FMN1: variants seen among roughly 807,000 people sequenced by gnomAD.
The protein encoded by FMN1 is formin 1, also known as formin-1.
Under a neutral mutation model 132.4 loss-of-function variants are expected in FMN1, and 110 were observed. The observed-to-expected ratio is 0.83, with a 90% CI of 0.71 to 0.97. FMN1 has a LOEUF of 0.97. Ranked by LOEUF, FMN1 falls within the 50% of genes least tolerant of loss-of-function variation. The pLI is 0.00. For missense variants in FMN1, 1,792 were observed against 1,705.3 expected (o/e 1.05, Z -0.90); for synonymous variants, 722 against 651.7 (o/e 1.11, Z -1.64).
chr15:33,003,238 T>C (rs1003765092), intron 7 of FMN1, among the ~76,000 whole-genome samples: 1 of 152,140 alleles, frequency 6.6e-6, no homozygotes, highest in African/African-American at 2.4e-5. Context: ...GGGCATTCAA[T>C]AGGAAAAGAG....
intron 6 of FMN1, among the ~76,000 whole-genome samples, chr15:33,054,246 C>T (rs2037113540): frequency 6.6e-6 from 1 of 152,162 alleles, no homozygotes; most frequent in South Asian, 2.1e-4. Flanking sequence ...GAAATAGAGA[C>T]AAAGACCAAA....
At chr15:32,998,036 C>T (rs1033189065) in intron 7 of FMN1, among the ~76,000 whole-genome samples, 1 of 152,162 alleles carries the variant, frequency 6.6e-6, no homozygotes, top group Middle Eastern at 3.2e-3. Flanking sequence ...TCCAGGCAAT[C>T]AACATAAGTA....
intron 2 of FMN1, among the ~76,000 whole-genome samples, chr15:33,184,648 C>A (rs1170682665): frequency 6.6e-6 from 1 of 151,920 alleles, no homozygotes; most frequent in South Asian, 2.1e-4. Flanking sequence ...GGATTACAGG[C>A]GGGCGCCACC....
intron 4 of FMN1, among the ~76,000 whole-genome samples, chr15:33,128,512 G>C (rs939382385): frequency 6.6e-6 from 1 of 152,210 alleles, no homozygotes; most frequent in Non-Finnish European, 1.5e-5. Context: ...TCATTACACT[G>C]AGAATGAAAC....
At position 32,771,487 on chromosome 15, in the gene FMN1, G is replaced by A. The variant is rs77331764; in HGVS notation, c.*2823C>T. ...TGCTCTGATGCTGTCAATTGCTCAT[G>A]CAAGAATCTGAACTACTGTCAAACT... On this transcript the variant is annotated 3_prime_UTR_variant, in exon 21 of 21. Coordinates refer to ENST00000616417, the MANE Select transcript of FMN1 (RefSeq NM_001277313.2). 1 of 152,304 alleles carries A rather than the reference G, an allele frequency of 6.6e-6. No individual in the cohort carries two copies. Among genetic ancestry groups the A allele is most frequent in the Non-Finnish European group, 1.5e-5 (1 of 68,016 alleles). The allele number at this position is 152,304 out of a possible 1,614,324, so 9.4% of individuals were successfully genotyped here.
chr15:32,944,529 T>C (rs1254456302), intron 9 of FMN1, among the ~76,000 whole-genome samples: 1 of 152,214 alleles, frequency 6.6e-6, no homozygotes, highest in Non-Finnish European at 1.5e-5. Context: ...CTGAATCTCT[T>C]CCATGGCCTT....
chr15:33,123,654 C>A (rs575252701), intron 4 of FMN1, among the ~76,000 whole-genome samples: 1 of 152,148 alleles, frequency 6.6e-6, no homozygotes, highest in African/African-American at 2.4e-5. Flanking sequence ...TTATAGAATG[C>A]ATGTTTTAAC....
chr15:32,913,382 T>C (rs1035651971), intron 10 of FMN1, among the ~76,000 whole-genome samples: 2 of 152,144 alleles, frequency 1.3e-5, no homozygotes, highest in African/African-American at 4.8e-5. Context: ...ACCTCCAATA[T>C]CTTCCTTTAA....
chr15:33,169,109 A>T (rs1595594147), intron 3 of FMN1, among the ~76,000 whole-genome samples: 1 of 152,364 alleles, frequency 6.6e-6, no homozygotes, highest in East Asian at 1.9e-4. Context: ...TTTCCAGATG[A>T]TTCCACAAAT....
intron 4 of FMN1, among the ~76,000 whole-genome samples, chr15:33,115,494 C>G (rs1345725934): frequency 8.6e-6 from 1 of 116,372 alleles, no homozygotes; most frequent in Non-Finnish European, 1.8e-5. Context: ...TCCTTAAGCC[C>G]CCCCCCCCCA....
chr15:32,891,598 T>C (rs1239853990), intron 15 of FMN1, among the ~76,000 whole-genome samples: 1 of 152,108 alleles, frequency 6.6e-6, no homozygotes, highest in African/African-American at 2.4e-5. Context: ...CTGCACTGAA[T>C]TTGTAGATTG....
At chr15:33,057,589 C>G (rs1475600009) in intron 6 of FMN1, among the ~76,000 whole-genome samples, 1 of 152,206 alleles carries the variant, frequency 6.6e-6, no homozygotes, top group East Asian at 1.9e-4. Flanking sequence ...AAGCTTCGAA[C>G]TCAAGTTTAG....
intron 4 of FMN1, among the ~76,000 whole-genome samples, chr15:33,129,877 C>T (rs150012840): frequency 0.18 from 27,893 of 151,264 alleles, 3,300 homozygotes; most frequent in Non-Finnish European, 0.28. Flanking sequence ...ACTGCAACCT[C>T]CACCTCCCAG....
At chr15:33,044,307 G>C (rs1007597521) in intron 6 of FMN1, among the ~76,000 whole-genome samples, 1 of 152,200 alleles carries the variant, frequency 6.6e-6, no homozygotes, top group African/African-American at 2.4e-5. Flanking sequence ...CCCTAGTGAG[G>C]CCCCACCTTC....
intron 17 of FMN1, among the ~76,000 whole-genome samples, chr15:32,809,695 GC>G (rs977004514): frequency 6.6e-6 from 1 of 151,888 alleles, no homozygotes; most frequent in Non-Finnish European, 1.5e-5. Flanking sequence ...CCTCTGAGGG[GC>G]CCTCCATGCC....
At chr15:33,115,700 T>C (rs1363596882) in intron 4 of FMN1, among the ~76,000 whole-genome samples, 5 of 152,126 alleles carry the variant, frequency 3.3e-5, no homozygotes, top group Non-Finnish European at 7.4e-5. Context: ...AAACCTGTTC[T>C]TCCTCACCCT....
At position 32,912,351 on chromosome 15, in the gene FMN1, T is replaced by C. The variant is rs116343298; in HGVS notation, c.3227-1816A>G. Among the ~76,000 whole-genome samples, 1,042 of 152,288 alleles carry C rather than the reference T, an allele frequency of 6.8e-3. 19 individuals are homozygous for C. Among genetic ancestry groups the C allele is most frequent in the African/African-American group, 0.024 (995 of 41,576 alleles). ...GAGAGGTTGGGACTGAGAACAACCA[T>C]GGGCTCTGAAGACATGGATTCATTC... is the stretch of plus-strand genomic sequence containing the variant. On this transcript the variant is annotated intron_variant, in intron 10 of 20. Coordinates refer to ENST00000616417, the MANE Select transcript of FMN1 (RefSeq NM_001277313.2).
intron 16 of FMN1, among the ~76,000 whole-genome samples, chr15:32,873,875 T>C (rs1261013555): frequency 3.3e-5 from 5 of 152,140 alleles, no homozygotes; most frequent in Non-Finnish European, 7.4e-5. Context: ...GTCTCTGTCT[T>C]TGGGATGAGT....
intron 6 of FMN1, among the ~76,000 whole-genome samples, chr15:33,010,541 C>A (rs969900110): frequency 7.2e-5 from 11 of 152,072 alleles, no homozygotes; most frequent in African/African-American, 2.7e-4. Context: ...ACAACAATAC[C>A]TGCTACTATT....
Sources: gnomAD v4.1 joint callset for allele counts (sites outside exome capture counted in the v4.1 genomes callset) on GRCh38, gnomAD v4.1.1 for gene constraint, MANE v1.5 for transcripts, NCBI Gene and HGNC (gene_info 2026-07-23, HGNC 2026-07-21) for gene names.